The following CNGA3 variants were observed in gnomAD, a reference collection of about 807,000 sequenced individuals.
CNGA3 encodes cyclic nucleotide gated channel subunit alpha 3.
CNGA3 carries 42 observed loss-of-function variants against 46.6 expected under a neutral mutation model. The observed-to-expected ratio is 0.90, with a 90% confidence interval of 0.70 to 1.17. The LOEUF (loss-of-function observed/expected upper bound fraction) is 1.17. CNGA3 is among the 50% of genes most tolerant of loss of function. CNGA3 has a pLI of 0.00. For missense variants in CNGA3, 893 were observed against 890.7 expected (o/e 1.00, Z -0.03); for synonymous variants, 394 against 369.4 (o/e 1.07, Z -0.76).
At chr2:98,360,608 G>T (rs1261728174) in intron 1 of CNGA3, among the ~76,000 whole-genome samples, 1 of 152,196 alleles carries the variant, frequency 6.6e-6, no homozygotes, top group Non-Finnish European at 1.5e-5. Flanking sequence ...ATTAAAAAGT[G>T]TTGAATGGAC....
intron 5 of CNGA3, among the ~76,000 whole-genome samples, chr2:98,388,093 A>G (rs1289856368): frequency 6.6e-6 from 1 of 152,156 alleles, no homozygotes; most frequent in African/African-American, 2.4e-5. Flanking sequence ...ATAACAAATC[A>G]ATAACCCCAT....
Position 98,389,576 on chromosome 2 carries a change from A to G in CNGA3, c.450-82A>G. 2.4e-6 allele frequency: 3 copies of G among 1,243,042 alleles called. No individual in the cohort carries two copies. The South Asian group carries it at 3.6e-5, about 15-fold the overall frequency. 77.0% of individuals were successfully genotyped at this position (1,243,042 alleles called of 1,614,324 possible). A position where few individuals can be genotyped will look rare whatever the true frequency, so the allele number is the denominator to read the frequency against. ...CAGCCACATCTTGGGCTTCAGCCTG[A>G]AATTGCCCTAGGCTCTCTAAAACCC... On this transcript the variant is annotated intron_variant, in intron 5 of 7. Transcript: ENST00000272602.
chr2:98,389,459 G>A (rs1446066662), intron 5 of CNGA3, among the ~76,000 whole-genome samples, 199 bp from the exon 6 acceptor site: 1 of 152,164 alleles, frequency 6.6e-6, no homozygotes, highest in Non-Finnish European at 1.5e-5. Flanking sequence ...GGGAGAGAAG[G>A]ACCTCTGGAG....
chr2:98,377,808 A>G lies in CNGA3; in HGVS notation c.215+8A>G. ...CGGCCAGGGGATCGCCAGGTAACTG[A>G]CCAGCCTCAGTCCCTACCTTGGCCT... On this transcript the variant is annotated splice_region_variant and intron_variant, in intron 3 of 7. Transcript: ENST00000272602. 1 of 1,607,102 alleles carries G rather than the reference A, an allele frequency of 6.2e-7. No individual in the cohort carries two copies. Among genetic ancestry groups the G allele is most frequent in the Non-Finnish European group, 8.5e-7 (1 of 1,177,646 alleles).
At chr2:98,347,402 C>A (rs1238241823) in intron 1 of CNGA3, among the ~76,000 whole-genome samples, 1 of 152,200 alleles carries the variant, frequency 6.6e-6, no homozygotes, top group Admixed American at 6.5e-5. Flanking sequence ...GCGGCCCCTC[C>A]CGACGCCCCT....
rs374507358 is a variant in CNGA3 at position 98,380,200 on chromosome 2, C to T, written c.241C>T (p.Arg81Cys). ...ARLSRLIFLL[R>C]RWAARHVHHQ... is the part of the protein sequence containing the mutation. ...GCTGTCGCGCCTCATCTTCTTGCTG[C>T]GCAGGTGGGCTGCCAGGCATGTGCA... The change falls in exon 4 of 8, where the codon CGC (arginine) becomes TGC (cysteine). Residue 81 changes from arginine to cysteine, a missense_variant. Arg to Cys is a radical substitution (Grantham distance 180). Around this residue, in one of 3 missense-constraint regions of CNGA3, gnomAD observed 333 missense variants for 290.8 expected, o/e 1.15. Transcript: ENST00000272602. 10 of 1,614,218 alleles carry T rather than the reference C, an allele frequency of 6.2e-6. No homozygotes were observed. Among genetic ancestry groups the T allele is most frequent in the Admixed American group, 1.7e-5 (1 of 60,032 alleles).
In CNGA3 at chr2:98,396,640, G is replaced by A; in HGVS notation, c.1470G>A (p.Leu490=). The stretch of plus-strand genomic sequence containing the variant: ...TCTTCCAGGACTGTGAGGCAGGGCT[G>A]CTGGTGGAGCTGGTGCTGAAGCTGC... ...VRIFQDCEAG[L]LVELVLKLRP... is the part of the protein sequence containing the mutation. The change falls in exon 8 of 8, where the codon CTG becomes CTA. Residue 490 remains leucine (L), a synonymous_variant. Transcript: ENST00000272602. 1 of 1,614,156 alleles carries A rather than the reference G, an allele frequency of 6.2e-7. No individual in the cohort carries two copies. The highest frequency in any genetic ancestry group is 8.5e-7 in the Non-Finnish European group (1 of 1,180,020).
chr2:98,360,473 C>T (rs186352324), intron 1 of CNGA3, among the ~76,000 whole-genome samples: 1 of 152,228 alleles, frequency 6.6e-6, no homozygotes, highest in African/African-American at 2.4e-5. Flanking sequence ...CCACAGAGTC[C>T]CAAACTTCTT....
intron 4 of CNGA3, among the ~76,000 whole-genome samples, 193 bp downstream of exon 4, chr2:98,380,547 C>T (rs1046952691): frequency 6.6e-6 from 1 of 152,146 alleles, no homozygotes; most frequent in Non-Finnish European, 1.5e-5. Context: ...GTCCAAGAGG[C>T]CTTGCAGGAG....
intron 1 of CNGA3, among the ~76,000 whole-genome samples, chr2:98,349,503 C>T (rs968477704): frequency 6.6e-6 from 1 of 152,180 alleles, no homozygotes; most frequent in African/African-American, 2.4e-5. Flanking sequence ...CATTCATTTA[C>T]ACATTTATTC....
intron 3 of CNGA3, among the ~76,000 whole-genome samples, chr2:98,378,511 A>G (rs1258781151): frequency 6.6e-6 from 1 of 152,200 alleles, no homozygotes; most frequent in Non-Finnish European, 1.5e-5. Flanking sequence ...ACATAGTCAC[A>G]TGTTCTAAAC....
chr2:98,362,201 C>T, intron 1 of CNGA3, among the ~76,000 whole-genome samples: 1 of 79,986 alleles, frequency 1.3e-5, no homozygotes, highest in Admixed American at 1.7e-4. Flanking sequence ...TTTTTTGAGG[C>T]AGAGTTTTGC....
chr2:98,369,851 C>A, intron 1 of CNGA3, 88 bp from the exon 2 acceptor site: 3 of 791,786 alleles, frequency 3.8e-6, no homozygotes, highest in East Asian at 5.3e-5. Flanking sequence ...GCAGGGGGGC[C>A]GCGTGCGGTA....
chr2:98,376,619 T>G (rs866888337), intron 2 of CNGA3, among the ~76,000 whole-genome samples: 2 of 152,052 alleles, frequency 1.3e-5, no homozygotes, highest in Non-Finnish European at 2.9e-5. Flanking sequence ...GCCACCGTGA[T>G]GCAAGGACTC....
At chr2:98,385,051 C>CCA (rs1692621455) in intron 5 of CNGA3, among the ~76,000 whole-genome samples, 2 of 152,184 alleles carry the variant, frequency 1.3e-5, no homozygotes, top group Non-Finnish European at 2.9e-5. Context: ...CAGCATTTTG[C>CCA]AGTTCTGTGT....
At chr2:98,367,518 A>G (rs1461409674) in intron 1 of CNGA3, among the ~76,000 whole-genome samples, 3 of 152,054 alleles carry the variant, frequency 2.0e-5, no homozygotes, top group African/African-American at 4.8e-5. Context: ...CTAGTCAGCC[A>G]TCTTGGTCCC....
At chr2:98,377,866 C>G in intron 3 of CNGA3, 66 bp downstream of exon 3, 1 of 1,461,752 alleles carries the variant, frequency 6.8e-7, no homozygotes, top group Non-Finnish European at 9.3e-7. Context: ...AGGTAGTGAC[C>G]TCTCAGGAAA....
chr2:98,366,543 C>G (rs953914809), intron 1 of CNGA3, among the ~76,000 whole-genome samples: 1 of 152,226 alleles, frequency 6.6e-6, no homozygotes, highest in Non-Finnish European at 1.5e-5. Context: ...AGCCCCTCCC[C>G]GCAAGGGGCT....
intron 1 of CNGA3, among the ~76,000 whole-genome samples, chr2:98,365,461 G>A (rs774880097): frequency 5.9e-5 from 9 of 152,178 alleles, no homozygotes; most frequent in Admixed American, 1.3e-4. Context: ...TGTCTTGCTA[G>A]GTTGGGGAGG....
Sources: gnomAD v4.1 joint callset for allele counts (sites outside exome capture counted in the v4.1 genomes callset) on GRCh38, gnomAD v4.1.1 for gene constraint, gnomAD v4.1.1 regional missense constraint, MANE v1.5 for transcripts, NCBI Gene and HGNC (gene_info 2026-07-23, HGNC 2026-07-21) for gene names.